SNTG2: variants seen among roughly 807,000 people sequenced by gnomAD.
SNTG2 encodes the protein syntrophin gamma 2, also known as gamma-2-syntrophin.
In SNTG2, 74 loss-of-function variants were observed where a neutral mutation model predicts 70.9. The observed-to-expected ratio is 1.04, with a 90% CI of 0.86 to 1.27. SNTG2 has a LOEUF of 1.27. Ranked by LOEUF, SNTG2 falls within the 50% of genes most tolerant of loss-of-function variation. SNTG2 has a pLI of 0.00. For missense variants in SNTG2, 717 were observed against 690.7 expected (o/e 1.04, Z -0.43); for synonymous variants, 278 against 273.8 (o/e 1.02, Z -0.15).
At position 1,243,898 on chromosome 2, in the gene SNTG2, C is replaced by T. The variant is rs186584109; in HGVS notation, c.889-3429C>T. On this transcript the variant is annotated intron_variant, in intron 11 of 16. Transcript: ENST00000308624. ...AAAATTAGCCGGGCGTGGTGGCACG[C>T]GCCTGTAATCCCAGCTACCTGGGAG... Among the ~76,000 whole-genome samples the T allele has an allele frequency of 1.7e-3, 259 of 152,308 alleles. 9 individuals carry two copies. The East Asian group carries it at 0.043, about 26-fold the overall frequency.
intron 16 of SNTG2, among the ~76,000 whole-genome samples, chr2:1,333,674 A>G (rs1659649485): frequency 6.6e-6 from 1 of 152,196 alleles, no homozygotes; most frequent in Non-Finnish European, 1.5e-5. Context: ...GCATACAAAA[A>G]CATAAATTGG....
intron 8 of SNTG2, among the ~76,000 whole-genome samples, chr2:1,197,111 C>T (rs991753550): frequency 3.9e-5 from 6 of 152,094 alleles, no homozygotes; most frequent in Non-Finnish European, 7.4e-5. Context: ...TAAGTCCTCA[C>T]CTATCAATAA....
intron 6 of SNTG2, among the ~76,000 whole-genome samples, chr2:1,140,518 C>G (rs962192136): frequency 6.6e-6 from 1 of 152,230 alleles, no homozygotes; most frequent in East Asian, 1.9e-4. Context: ...CCTCTCGTAC[C>G]TGTACCTGGT....
intron 1 of SNTG2, among the ~76,000 whole-genome samples, chr2:1,066,069 C>T (rs537265918): frequency 1.5e-4 from 23 of 152,298 alleles, no homozygotes; most frequent in Admixed American, 1.3e-3. Context: ...TATAACTAGG[C>T]TCACACACAT....
intron 16 of SNTG2, among the ~76,000 whole-genome samples, chr2:1,334,423 T>A (rs1659692865): frequency 6.6e-6 from 1 of 152,096 alleles, no homozygotes; most frequent in African/African-American, 2.4e-5. Flanking sequence ...TGCCATTTGA[T>A]CCAGCAACCC....
chr2:1,262,203 G>A (rs1678450695), intron 13 of SNTG2, among the ~76,000 whole-genome samples: 3 of 152,088 alleles, frequency 2.0e-5, no homozygotes, highest in Admixed American at 2.0e-4. Flanking sequence ...AGGATGAGAG[G>A]GTTTCTACAA....
At chr2:1,297,936 G>A (rs893868067) in intron 14 of SNTG2, among the ~76,000 whole-genome samples, 2 of 152,108 alleles carry the variant, frequency 1.3e-5, no homozygotes, top group African/African-American at 4.8e-5. Flanking sequence ...GGCGCGTGTT[G>A]GTCTGTATGA....
intron 1 of SNTG2, among the ~76,000 whole-genome samples, chr2:996,369 T>G (rs1424198282): frequency 6.6e-6 from 1 of 152,182 alleles, no homozygotes; most frequent in Non-Finnish European, 1.5e-5. Context: ...TTCAACAGAA[T>G]TCCTAGGATT....
chr2:1,003,736 G>A (rs1659480034), intron 1 of SNTG2, among the ~76,000 whole-genome samples: 1 of 152,104 alleles, frequency 6.6e-6, no homozygotes, highest in African/African-American at 2.4e-5. Context: ...ATTAATAGAT[G>A]GTCCCTAATA....
chr2:1,146,353 A>T (rs968258554), intron 6 of SNTG2, among the ~76,000 whole-genome samples: 7 of 149,992 alleles, frequency 4.7e-5, no homozygotes, highest in African/African-American at 1.7e-4. Flanking sequence ...CAAAATATGT[A>T]TAATGTTTAA....
rs1267243724 is a variant in SNTG2 at position 1,004,726 on chromosome 2, T to G, written c.72+53658T>G. 3.3e-5 allele frequency among the ~76,000 whole-genome samples: 5 copies of G among 152,324 alleles called. No homozygotes were observed. In the East Asian group the frequency reaches 5.8e-4, roughly 18 times the overall value. ...GTTGTGGGTGTGAATGCAAGTATGGTGAAGTCATTTTGGAAGACAGTTTGG... is the reference window on the plus strand; with the variant it reads ...GTTGTGGGTGTGAATGCAAGTATGGGGAAGTCATTTTGGAAGACAGTTTGG... On this transcript the variant is annotated intron_variant, in intron 1 of 16. Transcript: ENST00000308624.
At chr2:1,137,285 C>T (rs1035546247) in intron 4 of SNTG2, among the ~76,000 whole-genome samples, 5 of 152,138 alleles carry the variant, frequency 3.3e-5, no homozygotes, top group African/African-American at 1.2e-4. Context: ...CCCACGCATG[C>T]ACACCCATCT....
At chr2:951,307 C>T (rs989621911) in intron 1 of SNTG2, among the ~76,000 whole-genome samples, 1 of 152,244 alleles carries the variant, frequency 6.6e-6, no homozygotes, top group Admixed American at 6.5e-5. Context: ...GGCTTTGCTC[C>T]TCCAGCGTCT....
At chr2:991,026 T>G (rs1661474107) in intron 1 of SNTG2, among the ~76,000 whole-genome samples, 1 of 152,182 alleles carries the variant, frequency 6.6e-6, no homozygotes, top group South Asian at 2.1e-4. Flanking sequence ...ATTTACTTGT[T>G]AAGTACTTAC....
intron 6 of SNTG2, among the ~76,000 whole-genome samples, chr2:1,147,975 C>A (rs28444602): frequency 0.88 from 133,809 of 152,258 alleles, 59,107 homozygotes; most frequent in Non-Finnish European, 0.94. Context: ...TTGAAGAATT[C>A]ATCTGTTTTT....
At chr2:1,047,123 C>T (rs1661784066) in intron 1 of SNTG2, among the ~76,000 whole-genome samples, 3 of 152,136 alleles carry the variant, frequency 2.0e-5, no homozygotes, top group Admixed American at 2.0e-4. Flanking sequence ...ATTTGTTCCT[C>T]AGCTTGGTGT....
chr2:1,040,137 C>T (rs1661351583), intron 1 of SNTG2, among the ~76,000 whole-genome samples: 1 of 152,200 alleles, frequency 6.6e-6, no homozygotes, highest in Non-Finnish European at 1.5e-5. Context: ...GGGGCTGCCA[C>T]TTACGCCTGC....
At chr2:1,350,863 C>T (rs1439576150) in intron 16 of SNTG2, among the ~76,000 whole-genome samples, 2 of 152,040 alleles carry the variant, frequency 1.3e-5, no homozygotes, top group African/African-American at 2.4e-5. Context: ...TGAATAGGGA[C>T]ATGATTGACT....
At chr2:1,241,831 A>G (rs781383967) in intron 11 of SNTG2, among the ~76,000 whole-genome samples, 19 of 152,252 alleles carry the variant, frequency 1.2e-4, no homozygotes, top group Non-Finnish European at 2.8e-4. Flanking sequence ...TGTGTATTTC[A>G]CATCGATCTT....
Sources: gnomAD v4.1 joint callset for allele counts (sites outside exome capture counted in the v4.1 genomes callset) on GRCh38, gnomAD v4.1.1 for gene constraint, MANE v1.5 for transcripts, NCBI Gene and HGNC (gene_info 2026-07-23, HGNC 2026-07-21) for gene names.